The following ATP2C2 variants were observed in gnomAD, a reference collection of about 807,000 sequenced individuals.
ATP2C2 encodes ATPase secretory pathway Ca2+ transporting 2, also known as calcium-transporting ATPase type 2C member 2.
A neutral mutation model predicts 110.8 loss-of-function variants in ATP2C2; 171 were observed. The observed-to-expected ratio is 1.54, with a 90% confidence interval of 1.36 to 1.75. The LOEUF is 1.75. Ranked by LOEUF, ATP2C2 falls within the 40% of genes most tolerant of loss-of-function variation. The pLI is 0.00. For synonymous variants in ATP2C2, 804 were observed against 508.4 expected, an observed-to-expected ratio of 1.58 and a Z score of -7.82; for missense variants, 1,963 against 1,235.0, an observed-to-expected ratio of 1.59 and a Z score of -8.84.
chr16:84,403,234 G>T (rs1292995994), intron 2 of ATP2C2, among the ~76,000 whole-genome samples: 1 of 151,788 alleles, frequency 6.6e-6, no homozygotes. Context: ...AAATACTCTT[G>T]TTTCTTAAGA....
chr16:84,456,014 G>C (rs377083018), intron 21 of ATP2C2, among the ~76,000 whole-genome samples: 1,289 of 109,166 alleles, frequency 0.012, 35 homozygotes, highest in African/African-American at 0.045. Context: ...TTGATGTGCT[G>C]CTGGATTCGG....
At chr16:84,383,469 G>A (rs1312062344) in intron 1 of ATP2C2, among the ~76,000 whole-genome samples, 5 of 152,190 alleles carry the variant, frequency 3.3e-5, no homozygotes, top group Admixed American at 2.6e-4. Context: ...CAGCCAATGC[G>A]GGTTGAACCT....
chr16:84,454,486 C>T (rs149748629), intron 20 of ATP2C2, among the ~76,000 whole-genome samples: 5 of 152,200 alleles, frequency 3.3e-5, no homozygotes, highest in South Asian at 4.1e-4. Context: ...TTTCCAGGGC[C>T]GCACTGTTGA....
intron 17 of ATP2C2, among the ~76,000 whole-genome samples, chr16:84,449,761 G>C (rs1240963020): frequency 6.6e-6 from 1 of 152,208 alleles, no homozygotes; most frequent in Non-Finnish European, 1.5e-5. Flanking sequence ...AGCTGCTTTT[G>C]TCATGGTTGA....
chr16:84,411,221 G>C (rs1445310840), intron 6 of ATP2C2, among the ~76,000 whole-genome samples: 2 of 152,076 alleles, frequency 1.3e-5, no homozygotes, highest in Non-Finnish European at 2.9e-5. Flanking sequence ...GAGTGAACTT[G>C]AGTAACTACT....
chr16:84,460,384 G>C (rs1567466806), intron 23 of ATP2C2: 1 of 523,446 alleles, frequency 1.9e-6, no homozygotes, highest in Non-Finnish European at 3.5e-6. Flanking sequence ...GATCATCTGG[G>C]TGTATGGAAC....
intron 1 of ATP2C2, among the ~76,000 whole-genome samples, chr16:84,383,787 G>GTTTTTT (rs58587781): frequency 9.9e-6 from 1 of 100,838 alleles, no homozygotes; most frequent in Non-Finnish European, 1.9e-5. Context: ...GGTTTTGTTG[G>GTTTTTT]TTTTTTTTTT....
At chr16:84,374,845 G>C (rs4782936) in intron 1 of ATP2C2, among the ~76,000 whole-genome samples, 1 of 151,946 alleles carries the variant, frequency 6.6e-6, no homozygotes, top group Non-Finnish European at 1.5e-5. Flanking sequence ...TGAAAGACCC[G>C]AGAGTTTGGG....
chr16:84,416,421 T>A (rs1276544824), intron 7 of ATP2C2, among the ~76,000 whole-genome samples: 3 of 152,246 alleles, frequency 2.0e-5, no homozygotes, highest in African/African-American at 7.2e-5. Flanking sequence ...CTGCCTGATT[T>A]ATTTACTGAT....
chr16:84,453,365 C>T lies in ATP2C2; in HGVS notation c.1974C>T (p.Ile658=), dbSNP rs1189657115. 6.2e-7 allele frequency: 1 copy of T among 1,614,084 alleles called. No individual in the cohort carries two copies. Among genetic ancestry groups the T allele is most frequent in the African/African-American group, 1.3e-5 (1 of 74,926 alleles). The change falls in exon 20 of 27, where the codon ATC becomes ATT. Residue 658 remains isoleucine (I), a synonymous_variant. Transcript: ENST00000262429. ...CCAGCCCAAAGCACAAGCTCAAAATCATCAAGGTTCGCTGGGCAAGGCAGG... is the reference window on the plus strand; with the variant it reads ...CCAGCCCAAAGCACAAGCTCAAAATTATCAAGGTTCGCTGGGCAAGGCAGG... ...FRTSPKHKLK[I]IKALQESGAI...
At chr16:84,458,540 C>G (rs1479565803) in intron 21 of ATP2C2, among the ~76,000 whole-genome samples, 2 of 151,214 alleles carry the variant, frequency 1.3e-5, no homozygotes, top group African/African-American at 2.5e-5. Context: ...AATATCAGCT[C>G]TATAGTTCTT....
At chr16:84,460,836 C>G in intron 24 of ATP2C2, 35 bp downstream of exon 24, 10 of 1,589,216 alleles carry the variant, frequency 6.3e-6, no homozygotes, top group Non-Finnish European at 8.6e-6. Flanking sequence ...TTCTCCAAGC[C>G]CTGGTGCGGT....
intron 11 of ATP2C2, among the ~76,000 whole-genome samples, chr16:84,434,453 T>C (rs766757289): frequency 3.9e-5 from 6 of 151,952 alleles, no homozygotes; most frequent in African/African-American, 4.8e-5. Flanking sequence ...ATTCCCTATA[T>C]GTTAAGTGAC....
At chr16:84,391,950 C>T (rs1263262255) in intron 1 of ATP2C2, among the ~76,000 whole-genome samples, 3 of 150,820 alleles carry the variant, frequency 2.0e-5, no homozygotes, top group Non-Finnish European at 4.4e-5. Flanking sequence ...GATTATATTA[C>T]GACGATTGTT....
chr16:84,452,300 G>C (rs552255988), intron 18 of ATP2C2, among the ~76,000 whole-genome samples: 34 of 152,174 alleles, frequency 2.2e-4, no homozygotes, highest in Non-Finnish European at 3.5e-4. Context: ...TTCTGCAAAA[G>C]GGAAGTTCTC....
In ATP2C2 at chr16:84,451,782, G is replaced by A. The variant is rs144132632; in HGVS notation, c.1661-139G>A. 1,523 of 842,832 alleles carry A rather than the reference G, an allele frequency of 1.8e-3. 16 individuals carry two copies. In the African/African-American group the frequency reaches 0.023, roughly 13 times the overall value. The allele number at this position is 842,832 out of a possible 1,614,324, so 52.2% of individuals were successfully genotyped here. A position where few individuals can be genotyped will look rare whatever the true frequency, so the allele number is the denominator to read the frequency against. The stretch of plus-strand genomic sequence containing the variant: ...GAACCCAGGAGGCAGAGGCTGCAGT[G>A]AGCCAACATTACACCACTGCACTCC... On this transcript the variant is annotated intron_variant, in intron 17 of 26. Transcript: ENST00000262429.
At chr16:84,411,964 T>C (rs368992948) in intron 6 of ATP2C2, among the ~76,000 whole-genome samples, 1 of 151,994 alleles carries the variant, frequency 6.6e-6, no homozygotes, top group Non-Finnish European at 1.5e-5. Context: ...TTTCTTTCTT[T>C]CCTTTCTCTT....
At chr16:84,398,793 T>C (rs1231860092) in intron 2 of ATP2C2, among the ~76,000 whole-genome samples, 184 bp downstream of exon 2, 3 of 152,254 alleles carry the variant, frequency 2.0e-5, no homozygotes, top group Non-Finnish European at 2.9e-5. Context: ...TACTTGTCAG[T>C]AGAGCTCGTC....
chr16:84,443,469 C>G (rs75614516), intron 15 of ATP2C2, among the ~76,000 whole-genome samples: 11 of 152,338 alleles, frequency 7.2e-5, no homozygotes, highest in East Asian at 1.9e-4. Context: ...AAGCCCGACT[C>G]AGGGTGCTCA....
Sources: gnomAD v4.1 joint callset for allele counts (sites outside exome capture counted in the v4.1 genomes callset) on GRCh38, gnomAD v4.1.1 for gene constraint, MANE v1.5 for transcripts, NCBI Gene and HGNC (gene_info 2026-07-23, HGNC 2026-07-21) for gene names.